The following GNAS variants were observed in gnomAD, a reference collection of about 807,000 sequenced individuals.
The protein encoded by GNAS is protein ALEX.
GNAS carries 8 observed loss-of-function variants against 54.5 expected under a neutral mutation model. The observed-to-expected ratio is 0.15, with a 90% CI of 0.09 to 0.26. The LOEUF (loss-of-function observed/expected upper bound fraction) is 0.26, where lower values mean the gene tolerates loss of function less well. Among genes scored for constraint, GNAS ranks in the 10% least tolerant of loss-of-function variants. GNAS has a pLI of 1.00. For missense variants in GNAS, 170 were observed against 529.8 expected (o/e 0.32, Z 6.67); for synonymous variants, 204 against 191.4 (o/e 1.07, Z -0.54).
chr20:58,869,916 T>C (rs559053190), intron 1 of GNAS, among the ~76,000 whole-genome samples: 19 of 152,350 alleles, frequency 1.2e-4, no homozygotes, highest in Admixed American at 6.5e-5. Flanking sequence ...CTGGGTCCGA[T>C]GGTGTCTGGG....
rs1477237822 is a variant in GNAS at position 58,853,371 on chromosome 20, G to A, written c.43+12485G>A. The A allele has an allele frequency of 4.5e-6, 7 of 1,555,182 alleles. No homozygotes were observed. Among genetic ancestry groups the A allele is most frequent in the Non-Finnish European group, 6.1e-6 (7 of 1,149,680 alleles). On this transcript the variant is annotated intron_variant, in intron 1 of 12. Coordinates refer to the GNAS transcript ENST00000306090. The surrounding 1 kb of genome is among the most constrained non-coding windows in gnomAD (Gnocchi z 4.4). ...GCAACCACCTTTGGAGGCCCCAGGG[G>A]CAGCTGCCCCCGGTGCTGGGCCTAG...
intron 1 of GNAS, chr20:58,864,225 C>CT (rs1311920027): frequency 6.6e-6 from 1 of 152,026 alleles, no homozygotes; most frequent in Non-Finnish European, 1.5e-5. Flanking sequence ...AAATAGATAC[C>CT]TTTTTTAAAA....
Position 58,891,557 on chromosome 20 carries a change from G to GCGCCCCGCGGCCCGCAGTC in GNAS, c.-155_-154insAGTCCGCCCCGCGGCCCGC. ...CACCCTCCCCTTCCCGCCCGTCCGCGCGCCCCGCGGCCCGCGGCCCGCAGT... is the reference window on the plus strand; with the variant it reads ...CACCCTCCCCTTCCCGCCCGTCCGCGCGCCCCGCGGCCCGCAGTCCGCCCCGCGGCCCGCGGCCCGCAGT... On this transcript the variant is annotated 5_prime_UTR_variant, in exon 1 of 13. Transcript: ENST00000371085. 1 of 972,216 alleles carries GCGCCCCGCGGCCCGCAGTC rather than the reference G, an allele frequency of 1.0e-6. No homozygotes were observed. 60.2% of individuals were successfully genotyped at this position (972,216 alleles called of 1,614,324 possible).
At chr20:58,899,651 A>T (rs1008246808) in intron 3 of GNAS, among the ~76,000 whole-genome samples, 2 of 129,606 alleles carry the variant, frequency 1.5e-5, no homozygotes, top group African/African-American at 5.2e-5. Flanking sequence ...CACACCCATC[A>T]CACACACACA....
intron 1 of GNAS, among the ~76,000 whole-genome samples, chr20:58,884,113 A>C (rs2088433702): frequency 6.6e-6 from 1 of 152,236 alleles, no homozygotes; most frequent in Non-Finnish European, 1.5e-5. Flanking sequence ...GCCCAGTCTA[A>C]ATCTCAGTTT....
At chr20:58,890,897 G>T (rs1302620060), upstream of GNAS, 1 of 152,106 alleles carries the variant, frequency 6.6e-6, no homozygotes, top group Admixed American at 6.5e-5. Context: ...CTGCTCTCTG[G>T]CTCTCTGTGT....
rs1185967170 is a variant in GNAS at position 58,854,968 on chromosome 20, GGGT to G, written c.43+14085_43+14087del. The G allele has an allele frequency of 1.9e-6, 3 of 1,611,634 alleles. No homozygotes were observed. Among genetic ancestry groups the G allele is most frequent in the Non-Finnish European group, 2.5e-6 (3 of 1,179,528 alleles). ...GGCCGCCGCGTGTACTACGATGAAG[GGGT>G]GGCCAGCAGCGACGATGACTCCAGC... On this transcript the variant is annotated intron_variant, in intron 1 of 12. Coordinates refer to the GNAS transcript ENST00000306090.
In GNAS at chr20:58,853,550, C is replaced by G. The variant is rs370319235; in HGVS notation, c.43+12664C>G. ...AAGCTGGAGCCCATGGAAGCTACAG[C>G]CCACCTCCTGAGGAAGCAATGCCCT... On this transcript the variant is annotated intron_variant, in intron 1 of 12. Transcript: ENST00000306090. This position sits in a 1 kb window ranked among gnomAD's most constrained non-coding sequence, Gnocchi z 4.4. 1.2e-6 allele frequency: 2 copies of G among 1,613,236 alleles called. No homozygotes were observed. Among genetic ancestry groups the G allele is most frequent in the East Asian group, 4.5e-5 (2 of 44,884 alleles).
upstream of GNAS, chr20:58,840,244 C>A (rs146532795): frequency 5.6e-5 from 91 of 1,611,156 alleles, 1 homozygote; most frequent in African/African-American, 6.8e-4. The surrounding 1 kb of genome is among the most constrained non-coding windows in gnomAD (Gnocchi z 6.0). Flanking sequence ...GCGCCCTTGC[C>A]ACCTCCAACG....
chr20:58,896,457 A>G (rs1204893680), intron 2 of GNAS, among the ~76,000 whole-genome samples: 1 of 152,070 alleles, frequency 6.6e-6, no homozygotes, highest in East Asian at 1.9e-4. Flanking sequence ...AGTGGGAATG[A>G]AGATTAAACA....
chr20:58,899,695 GCA>G (rs921519706), intron 3 of GNAS, among the ~76,000 whole-genome samples: 5 of 150,614 alleles, frequency 3.3e-5, no homozygotes, highest in South Asian at 2.1e-4. Context: ...ACACAGACAC[GCA>G]CACACATCAC....
At chr20:58,851,517 AC>A (rs2086172907) in intron 1 of GNAS, among the ~76,000 whole-genome samples, 1 of 152,112 alleles carries the variant, frequency 6.6e-6, no homozygotes, top group African/African-American at 2.4e-5. Context: ...GGTGAGACCG[AC>A]CTGATGCGCA....
intron 1 of GNAS, 83 bp downstream of exon 1, chr20:58,891,948 C>T (rs932062330): frequency 3.5e-6 from 3 of 857,804 alleles, no homozygotes; most frequent in African/African-American, 1.9e-5. Context: ...AGCCCGCCCC[C>T]CGCCCCGGGC....
In GNAS at chr20:58,899,950, A is replaced by G. The variant is rs989075392; in HGVS notation, c.257+965A>G. 9.8e-6 allele frequency: 7 copies of G among 717,788 alleles called. No homozygotes were observed. Among genetic ancestry groups the G allele is most frequent in the African/African-American group, 1.7e-5 (1 of 57,224 alleles). The allele number at this position is 717,788 out of a possible 1,614,324, so 44.5% of individuals were successfully genotyped here. On this transcript the variant is annotated intron_variant, in intron 3 of 12. Coordinates refer to ENST00000371085, the MANE Select transcript of GNAS (RefSeq NM_000516.7). ...TGTTTGTTCATCTGTTTCTTTTAGAATATAATATCCCTAGATGATGGCTAC... is the reference window on the plus strand; with the variant it reads ...TGTTTGTTCATCTGTTTCTTTTAGAGTATAATATCCCTAGATGATGGCTAC...
chr20:58,873,981 T>C lies in GNAS; in HGVS notation c.44-21631T>C, dbSNP rs2087629697. ...TACCTAAAAGTGTCATGAGTGCTGATAATTAAACTGCAGAAAACCTAGAAG... is the reference window on the plus strand; with the variant it reads ...TACCTAAAAGTGTCATGAGTGCTGACAATTAAACTGCAGAAAACCTAGAAG... On this transcript the variant is annotated intron_variant, in intron 1 of 12. Coordinates refer to the GNAS transcript ENST00000306090. This position sits in a 1 kb window ranked among gnomAD's most constrained non-coding sequence, Gnocchi z 4.3. Among the ~76,000 whole-genome samples the C allele has an allele frequency of 6.6e-6, 1 of 152,184 alleles. No individual in the cohort carries two copies. The highest frequency in any genetic ancestry group is 6.5e-5 in the Admixed American group (1 of 15,284).
At chr20:58,859,888 T>C (rs1396253828) in intron 1 of GNAS, among the ~76,000 whole-genome samples, 3 of 152,200 alleles carry the variant, frequency 2.0e-5, no homozygotes, top group Non-Finnish European at 4.4e-5. Flanking sequence ...CCTCCCAAAG[T>C]TCTGGGATTA....
chr20:58,840,908 T>C lies in GNAS; in HGVS notation c.43+22T>C. On this transcript the variant is annotated intron_variant, in intron 1 of 12. Coordinates refer to the GNAS transcript ENST00000306090. This position sits in a 1 kb window ranked among gnomAD's most constrained non-coding sequence, Gnocchi z 6.0. ...TCAGGTTAGTTGCCCACCGCTAAAC[T>C]GGGGAGCCTGAGGGCGGTGTGGGAG... The C allele has an allele frequency of 6.2e-7, 1 of 1,610,998 alleles. No individual in the cohort carries two copies. Among genetic ancestry groups the C allele is most frequent in the Non-Finnish European group, 8.5e-7 (1 of 1,179,122 alleles).
chr20:58,893,066 CTTTTTTTTTT>C lies in GNAS; in HGVS notation c.139+1215_139+1224del, dbSNP rs869179421. Among the ~76,000 whole-genome samples the C allele has an allele frequency of 9.7e-3, 997 of 103,120 alleles. 13 individuals are homozygous for C. The highest frequency in any genetic ancestry group is 0.039 in the African/African-American group (957 of 24,278). 67.7% of individuals were successfully genotyped at this position (103,120 alleles called of 152,430 possible). A position where few individuals can be genotyped will look rare whatever the true frequency, so the allele number is the denominator to read the frequency against. On this transcript the variant is annotated intron_variant, in intron 1 of 12. Transcript: ENST00000371085. ...TCTTGGTCTGGAAATGGCGTGGTTT[CTTTTTTTTTT>C]TTTTTTTTTTTTTGTCCTCCTCAAG...
At chr20:58,892,074 CCGTGGCGA>C (rs1402606828) in intron 1 of GNAS, 1 of 958,722 alleles carries the variant, frequency 1.0e-6, no homozygotes, top group African/African-American at 1.8e-5. Flanking sequence ...GGGCGGGGGG[CCGTGGCGA>C]CGCGGGCGCG....
Sources: allele counts gnomAD v4.1 joint callset (sites outside exome capture counted in the v4.1 genomes callset), GRCh38; gene constraint gnomAD v4.1.1; non-coding constraint Gnocchi (gnomAD v3.1); transcripts MANE v1.5; gene names NCBI Gene and HGNC (gene_info 2026-07-23, HGNC 2026-07-21).